Variants in ADRA1B observed in about 807,000 individuals in gnomAD.
ADRA1B encodes adrenoceptor alpha 1B, also known as alpha-1B adrenergic receptor.
Under a neutral mutation model 17.9 loss-of-function variants are expected in ADRA1B, and 17 were observed. The ratio of observed to expected loss-of-function variants is 0.95; its 90% confidence interval spans 0.65 to 1.42. ADRA1B has a LOEUF of 1.42. Among genes scored for constraint, ADRA1B ranks in the 40% most tolerant of loss-of-function variants. The pLI is 0.00. For missense variants in ADRA1B, 681 were observed against 722.1 expected (o/e 0.94, Z 0.65); for synonymous variants, 366 against 327.6 (o/e 1.12, Z -1.27).
At chr5:159,886,801 C>T (rs188159538) in intron 1 of ADRA1B, among the ~76,000 whole-genome samples, 6 of 152,046 alleles carry the variant, frequency 3.9e-5, no homozygotes, top group African/African-American at 9.6e-5. Flanking sequence ...TTCAGTTACT[C>T]GCCAGCTGAT....
intron 1 of ADRA1B, among the ~76,000 whole-genome samples, chr5:159,951,887 G>T (rs1755448161): frequency 6.6e-6 from 1 of 152,106 alleles, no homozygotes; most frequent in African/African-American, 2.4e-5. Flanking sequence ...TGCTGGCATT[G>T]CTCGTCCACA....
intron 1 of ADRA1B, among the ~76,000 whole-genome samples, chr5:159,939,320 T>TGCGC (rs1170671488): frequency 9.2e-6 from 1 of 108,152 alleles, no homozygotes; most frequent in East Asian, 2.8e-4. Context: ...TGTGTGTGTG[T>TGCGC]GTGCGCGCGC....
chr5:159,917,712 G>C lies in ADRA1B; in HGVS notation c.807G>C (p.Lys269Asn), dbSNP rs193266765. The C allele has an allele frequency of 3.7e-6, 6 of 1,614,130 alleles. No individual in the cohort carries two copies. The East Asian group carries it at 1.3e-4, about 36-fold the overall frequency. ...ACGAGGACACCCTTAGCAGTACCAA[G>C]GCCAAGGGCCACAACCCCAGGAGTT... ...NFHEDTLSST[K>N]AKGHNPRSSI... Residue 269 changes from lysine to asparagine, a missense_variant, in exon 1 of 2, where the codon AAG (lysine) becomes AAC (asparagine). Lys to Asn is a moderately conservative substitution (Grantham distance 94). This residue lies in a region of ADRA1B where 424 missense variants were observed against 480.2 expected (regional missense o/e 0.88). Coordinates refer to ENST00000306675, the MANE Select transcript of ADRA1B (RefSeq NM_000679.4).
intron 1 of ADRA1B, among the ~76,000 whole-genome samples, chr5:159,903,220 C>T (rs981857160): frequency 1.3e-5 from 2 of 152,164 alleles, no homozygotes; most frequent in African/African-American, 4.8e-5. Context: ...AATGTTCAAA[C>T]AGGCAGAAGC....
chr5:159,956,927 C>CAATG (rs1755560405), intron 1 of ADRA1B, among the ~76,000 whole-genome samples: 1 of 152,048 alleles, frequency 6.6e-6, no homozygotes, highest in African/African-American at 2.4e-5. Flanking sequence ...GGCTGGAGTG[C>CAATG]AATGGTGCAA....
intron 1 of ADRA1B, among the ~76,000 whole-genome samples, chr5:159,938,372 CATGGAGTGATTA>C (rs1304025850): frequency 6.6e-6 from 1 of 152,176 alleles, no homozygotes; most frequent in East Asian, 1.9e-4. Context: ...GTCTTCCAAC[CATGGAGTGATTA>C]ATGATGGAAA....
intron 1 of ADRA1B, among the ~76,000 whole-genome samples, chr5:159,887,044 T>G (rs577619832): frequency 1.8e-4 from 27 of 152,308 alleles, no homozygotes; most frequent in African/African-American, 6.3e-4. Context: ...GTGTTAATTC[T>G]CATGGTCAAA....
intron 1 of ADRA1B, among the ~76,000 whole-genome samples, chr5:159,953,905 A>G (rs961363950): frequency 3.3e-5 from 5 of 152,136 alleles, no homozygotes; most frequent in African/African-American, 4.8e-5. Context: ...AAAAAAAAAG[A>G]AAGAAAATGA....
chr5:159,878,688 T>C (rs1490464098), intron 1 of ADRA1B, among the ~76,000 whole-genome samples: 2 of 152,186 alleles, frequency 1.3e-5, no homozygotes, highest in Admixed American at 6.5e-5. Flanking sequence ...AGGTGACCTG[T>C]GCAAGGTCTT....
intron 1 of ADRA1B, among the ~76,000 whole-genome samples, chr5:159,877,224 CTG>C (rs1753813396): frequency 6.6e-6 from 1 of 152,154 alleles, no homozygotes; most frequent in Admixed American, 6.5e-5. Flanking sequence ...TCCCGGTCCC[CTG>C]TGTCTCCCCT....
At chr5:159,923,688 T>C (rs1222253875) in intron 1 of ADRA1B, among the ~76,000 whole-genome samples, 1 of 152,264 alleles carries the variant, frequency 6.6e-6, no homozygotes, top group Non-Finnish European at 1.5e-5. Flanking sequence ...AGCCAGGGGC[T>C]GTGAGCAACA....
chr5:159,945,472 A>T (rs1016313586), intron 1 of ADRA1B, among the ~76,000 whole-genome samples: 8 of 152,366 alleles, frequency 5.3e-5, no homozygotes, highest in Non-Finnish European at 1.2e-4. Context: ...GGGGGAAAGC[A>T]TTCCAGGCAG....
Position 159,895,431 on chromosome 5 carries a change from T to C in ADRA1B, c.-255-20688T>C, listed in dbSNP as rs368750469. ...ACCACCTGGAACAAGATGCTACTGC[T>C]ACCTTCTTAGAAAACAGGAAATTAA... On this transcript the variant is annotated intron_variant, in intron 1 of 2. Coordinates refer to the ADRA1B transcript ENST00000641205. Among the ~76,000 whole-genome samples, 3 of 152,352 alleles carry C rather than the reference T, an allele frequency of 2.0e-5. No individual in the cohort carries two copies. In the East Asian group the frequency reaches 5.8e-4, roughly 29 times the overall value.
intron 1 of ADRA1B, among the ~76,000 whole-genome samples, chr5:159,952,539 G>T (rs1460286779): frequency 6.6e-6 from 1 of 152,214 alleles, no homozygotes; most frequent in African/African-American, 2.4e-5. Context: ...GCACATGGGA[G>T]AGCAGGAGCT....
At chr5:159,964,555 A>G (rs1326828950) in intron 1 of ADRA1B, among the ~76,000 whole-genome samples, 1 of 152,246 alleles carries the variant, frequency 6.6e-6, no homozygotes, top group Non-Finnish European at 1.5e-5. Context: ...CAGGTGGCAG[A>G]ATGATGAATG....
chr5:159,937,199 A>G (rs1754979100), intron 1 of ADRA1B, among the ~76,000 whole-genome samples: 1 of 152,206 alleles, frequency 6.6e-6, no homozygotes, highest in Admixed American at 6.5e-5. Context: ...AAGCACTCCA[A>G]CACCAGCTCA....
chr5:159,878,043 G>T (rs561707895), intron 1 of ADRA1B, among the ~76,000 whole-genome samples: 2 of 152,252 alleles, frequency 1.3e-5, no homozygotes, highest in East Asian at 3.9e-4. Context: ...ACAGGTTCAG[G>T]TCTCTTCAGC....
At chr5:159,951,350 A>C (rs1420974510) in intron 1 of ADRA1B, 4 of 1,138,664 alleles carry the variant, frequency 3.5e-6, no homozygotes, top group Non-Finnish European at 5.2e-6. Context: ...CATGGGTGGA[A>C]TCATACTCGA....
intron 1 of ADRA1B, among the ~76,000 whole-genome samples, chr5:159,963,989 C>T (rs190659540): frequency 2.8e-4 from 42 of 152,030 alleles, no homozygotes; most frequent in African/African-American, 9.2e-4. Context: ...CACCCCACCC[C>T]GGAAAAAAAA....
Sources: allele counts gnomAD v4.1 joint callset (sites outside exome capture counted in the v4.1 genomes callset), GRCh38; gene constraint gnomAD v4.1.1; regional missense constraint gnomAD v4.1.1; transcripts MANE v1.5; gene names NCBI Gene and HGNC (gene_info 2026-07-23, HGNC 2026-07-21).